Variants in FAAH2 observed in about 807,000 individuals in gnomAD.
FAAH2 encodes fatty-acid amide hydrolase 2.
FAAH2 carries 60 observed loss-of-function variants against 36.9 expected under a neutral mutation model. The observed-to-expected ratio is 1.63, with a 90% CI of 1.32 to 2.02. The LOEUF (loss-of-function observed/expected upper bound fraction) is 2.02. Among genes scored for constraint, FAAH2 ranks in the 30% most tolerant of loss-of-function variants. The pLI is 0.00. For synonymous variants in FAAH2, 214 were observed against 143.8 expected (o/e 1.49, Z -3.49); for missense variants, 689 against 397.5 (o/e 1.73, Z -6.23).
At chrX:57,457,516 T>C (rs1471527954) in intron 10 of FAAH2, among the ~76,000 whole-genome samples, 2 of 110,337 alleles carry the variant, frequency 1.8e-5, no homozygotes, top group Non-Finnish European at 3.8e-5. Context: ...ACTCTCTCTC[T>C]TTACTGATAT....
chrX:57,395,458 C>A, intron 7 of FAAH2: 1 of 544,944 alleles, frequency 1.8e-6, no homozygotes, highest in South Asian at 2.7e-5. Context: ...ATATCCTGTT[C>A]AGTTCTTAGG....
At chrX:57,121,594 T>C in the FAAH2 span, 1 of 112,620 alleles carries the variant, frequency 8.9e-6, no homozygotes, top group Non-Finnish European at 1.9e-5. Context: ...AGGCCTCCTC[T>C]TCCTGTCAAA....
intron 3 of FAAH2, 71 bp downstream of exon 3, chrX:57,310,800 A>T (rs764015752): frequency 1.9e-6 from 2 of 1,069,443 alleles, no homozygotes. Context: ...CTTATAAACT[A>T]AAAAGGATGG....
At chrX:57,419,241 G>C (rs1168384633) in intron 7 of FAAH2, among the ~76,000 whole-genome samples, 1 of 110,760 alleles carries the variant, frequency 9.0e-6, no homozygotes, top group Non-Finnish European at 1.9e-5. Flanking sequence ...CCAGTAATGG[G>C]ATGGCTGGGT....
the FAAH2 span, among the ~76,000 whole-genome samples, chrX:57,263,088 C>A: frequency 1.2e-4 from 13 of 111,323 alleles, no homozygotes; most frequent in Non-Finnish European, 1.9e-4. Flanking sequence ...AATTACAATG[C>A]TGGAAGTTCC....
chrX:57,232,162 G>A, the FAAH2 span, among the ~76,000 whole-genome samples: 5 of 111,898 alleles, frequency 4.5e-5, no homozygotes, highest in Non-Finnish European at 9.4e-5. Flanking sequence ...GCCCCCTCAA[G>A]GAAAGACTGA....
the FAAH2 span, among the ~76,000 whole-genome samples, chrX:57,179,707 C>T: frequency 9.0e-6 from 1 of 111,392 alleles, no homozygotes; most frequent in Admixed American, 9.6e-5. Context: ...TTAGACAGAA[C>T]ATCAAGGCCC....
the FAAH2 span, among the ~76,000 whole-genome samples, chrX:57,248,240 A>C: frequency 8.9e-6 from 1 of 112,326 alleles, no homozygotes; most frequent in Non-Finnish European, 1.9e-5. Flanking sequence ...CTTTAAAGCT[A>C]GTTCTGGCTC....
intron 8 of FAAH2, among the ~76,000 whole-genome samples, chrX:57,440,865 G>GT (rs1457495474): frequency 1.8e-5 from 2 of 111,542 alleles, no homozygotes; most frequent in East Asian, 5.6e-4. Context: ...ATAATCATGT[G>GT]TTTTTTGTCT....
intron 3 of FAAH2, among the ~76,000 whole-genome samples, chrX:57,314,176 A>G (rs949928351): frequency 8.9e-6 from 1 of 112,080 alleles, no homozygotes; most frequent in Non-Finnish European, 1.9e-5. Context: ...TTTTAATTCA[A>G]TGAGAAGACT....
the FAAH2 span, among the ~76,000 whole-genome samples, chrX:57,273,060 G>A: frequency 1.8e-5 from 2 of 111,951 alleles, no homozygotes; most frequent in Non-Finnish European, 3.8e-5. Flanking sequence ...ATAAAGGGAT[G>A]GAGGGATACT....
At chrX:57,230,535 C>T in the FAAH2 span, among the ~76,000 whole-genome samples, 1 of 110,626 alleles carries the variant, frequency 9.0e-6, no homozygotes, top group Admixed American at 9.6e-5. Flanking sequence ...CTATGTTACA[C>T]TTCCTTCTAT....
the FAAH2 span, among the ~76,000 whole-genome samples, chrX:57,159,064 C>T: frequency 7.1e-5 from 8 of 112,287 alleles, no homozygotes; most frequent in African/African-American, 2.6e-4. Flanking sequence ...ATATGGCTAG[C>T]CAGTTTTCAC....
At chrX:57,228,582 C>T in the FAAH2 span, among the ~76,000 whole-genome samples, 1 of 111,023 alleles carries the variant, frequency 9.0e-6, no homozygotes, top group Non-Finnish European at 1.9e-5. Flanking sequence ...TTATTGCAGT[C>T]GATCTGGAGC....
At chrX:57,307,233 G>C (rs776127033) in intron 2 of FAAH2, among the ~76,000 whole-genome samples, 3 of 106,749 alleles carry the variant, frequency 2.8e-5, no homozygotes, top group Non-Finnish European at 3.9e-5. Context: ...AGCATTAGTA[G>C]TATCAGTGAT....
At chrX:57,462,262 G>A (rs1038738320) in intron 10 of FAAH2, among the ~76,000 whole-genome samples, 4 of 108,441 alleles carry the variant, frequency 3.7e-5, no homozygotes, top group East Asian at 2.9e-4. Context: ...CTTCTGAAAC[G>A]ATTCCGAAGA....
At chrX:57,168,420 ATTTC>A in the FAAH2 span, among the ~76,000 whole-genome samples, 12 of 111,411 alleles carry the variant, frequency 1.1e-4, no homozygotes, top group Non-Finnish European at 1.9e-4. Context: ...ACAAACACAC[ATTTC>A]TTTATGCAAC....
the FAAH2 span, among the ~76,000 whole-genome samples, chrX:57,143,574 T>C: frequency 9.0e-6 from 1 of 110,588 alleles, no homozygotes; most frequent in Non-Finnish European, 1.9e-5. Context: ...CCCCCCAGGC[T>C]CAAGTGATCC....
At chrX:57,465,953 A>G (rs1377870068) in intron 10 of FAAH2, among the ~76,000 whole-genome samples, 1 of 109,775 alleles carries the variant, frequency 9.1e-6, no homozygotes, top group Non-Finnish European at 1.9e-5. Flanking sequence ...ACACTCAACC[A>G]TAACTGAAAT....
Sources: allele counts gnomAD v4.1 joint callset (sites outside exome capture counted in the v4.1 genomes callset), GRCh38; gene constraint gnomAD v4.1.1; transcripts MANE v1.5; gene names NCBI Gene and HGNC (gene_info 2026-07-23, HGNC 2026-07-21).